The following SPIDR variants were observed in gnomAD, a reference collection of about 807,000 sequenced individuals.
The protein encoded by SPIDR is DNA repair-scaffolding protein.
A neutral mutation model predicts 104.6 loss-of-function variants in SPIDR; 93 were observed. The ratio of observed to expected loss-of-function variants is 0.89; its 90% CI spans 0.75 to 1.06. The LOEUF is 1.06. Among genes scored for constraint, SPIDR ranks in the 50% least tolerant of loss-of-function variants. SPIDR has a pLI of 0.00. For missense variants in SPIDR, 1,154 were observed against 1,111.2 expected (o/e 1.04, Z -0.55); for synonymous variants, 431 against 416.9 (o/e 1.03, Z -0.41).
chr8:47,270,806 C>CT (rs1563445719), intron 1 of SPIDR, among the ~76,000 whole-genome samples: 1 of 151,854 alleles, frequency 6.6e-6, no homozygotes, highest in South Asian at 2.1e-4. Flanking sequence ...CTCATGATTT[C>CT]TTTTTTTGAT....
chr8:47,289,938 T>C, intron 3 of SPIDR, among the ~76,000 whole-genome samples: 1 of 151,992 alleles, frequency 6.6e-6, no homozygotes, highest in East Asian at 1.9e-4. Context: ...AAAAAGAAAA[T>C]AAATGTTGAT....
chr8:47,721,121 T>A (rs984070561), intron 16 of SPIDR, among the ~76,000 whole-genome samples: 3 of 152,226 alleles, frequency 2.0e-5, no homozygotes, highest in East Asian at 1.9e-4. Context: ...AAGTCTCACA[T>A]CAGTTGTTTC....
chr8:47,528,490 A>C (rs2085381981), intron 8 of SPIDR, among the ~76,000 whole-genome samples: 1 of 152,230 alleles, frequency 6.6e-6, no homozygotes, highest in Non-Finnish European at 1.5e-5. Flanking sequence ...CAGAGGTGTT[A>C]GAATTAATCA....
intron 5 of SPIDR, among the ~76,000 whole-genome samples, chr8:47,391,813 G>A (rs1304157135): frequency 6.6e-6 from 1 of 151,868 alleles, no homozygotes. Context: ...TGGCTAACAT[G>A]GTGAAACCCC....
chr8:47,420,711 G>T (rs1385532565), intron 7 of SPIDR, among the ~76,000 whole-genome samples: 2 of 152,100 alleles, frequency 1.3e-5, no homozygotes, highest in Admixed American at 1.3e-4. Context: ...TCTTAGCCTC[G>T]ATGGTCTTTA....
intron 7 of SPIDR, among the ~76,000 whole-genome samples, chr8:47,414,029 A>G (rs1554673616): frequency 6.6e-6 from 1 of 152,220 alleles, no homozygotes; most frequent in Non-Finnish European, 1.5e-5. Context: ...AAATCTTACA[A>G]AATGTAGGTC....
chr8:47,549,699 C>T (rs2154396542), intron 8 of SPIDR, among the ~76,000 whole-genome samples: 1 of 152,274 alleles, frequency 6.6e-6, no homozygotes, highest in Non-Finnish European at 1.5e-5. Flanking sequence ...CAAAAATGTT[C>T]TCCTATTCTG....
Position 47,421,421 on chromosome 8 carries a change from G to T in SPIDR, c.877+13460G>T, listed in dbSNP as rs895845145. 3.3e-5 allele frequency among the ~76,000 whole-genome samples: 5 copies of T among 152,238 alleles called. No homozygotes were observed. The East Asian group carries it at 7.7e-4, about 23-fold the overall frequency. On this transcript the variant is annotated intron_variant, in intron 7 of 19. Coordinates refer to ENST00000297423, the MANE Select transcript of SPIDR (RefSeq NM_001080394.4). Reference sequence around the variant, plus strand: ...TTGAATTGGCCACTGAGGCTTGTGGGTTCGTCCTGTCGTTCTCTTGTTGTG... The same window carrying T: ...TTGAATTGGCCACTGAGGCTTGTGGTTTCGTCCTGTCGTTCTCTTGTTGTG...
intron 11 of SPIDR, among the ~76,000 whole-genome samples, chr8:47,687,357 T>G (rs1313190753): frequency 2.6e-5 from 4 of 152,260 alleles, no homozygotes; most frequent in Non-Finnish European, 4.4e-5. Flanking sequence ...TCCACGAATG[T>G]AGACATATCT....
Position 47,279,984 on chromosome 8 carries a change from T to G in SPIDR, c.156T>G (p.Cys52Trp). 6.2e-7 allele frequency: 1 copy of G among 1,614,096 alleles called. No homozygotes were observed. Residue 52 changes from cysteine to tryptophan, a missense_variant, in exon 2 of 20, where the codon TGT (cysteine) becomes TGG (tryptophan). Coordinates refer to ENST00000297423, the MANE Select transcript of SPIDR (RefSeq NM_001080394.4). ...CTCTCTCTGAAGCATGGCTCAGGTG[T>G]GGAGAAGGGTTTCAGAACACTTCTG... is the stretch of plus-strand genomic sequence containing the variant. ...AASLSEAWLR[C>W]GEGFQNTSGN...
intron 5 of SPIDR, among the ~76,000 whole-genome samples, chr8:47,303,109 T>C (rs1464771713): frequency 6.6e-6 from 1 of 152,214 alleles, no homozygotes; most frequent in Non-Finnish European, 1.5e-5. Flanking sequence ...CCAGCTTCCC[T>C]GTGGCTTTGT....
chr8:47,626,207 A>G (rs986717687), intron 10 of SPIDR, among the ~76,000 whole-genome samples: 2 of 152,090 alleles, frequency 1.3e-5, no homozygotes, highest in South Asian at 4.1e-4. Context: ...GAAACTGGAT[A>G]CCTTCCTTAC....
intron 5 of SPIDR, among the ~76,000 whole-genome samples, chr8:47,310,792 C>T (rs1038341691): frequency 2.6e-5 from 4 of 152,034 alleles, no homozygotes; most frequent in Non-Finnish European, 5.9e-5. Context: ...ATTTCATTTG[C>T]ACAAGAAAGA....
In SPIDR at chr8:47,564,324, G is replaced by A. The variant is rs561809047; in HGVS notation, c.1098-31487G>A. Among the ~76,000 whole-genome samples the A allele has an allele frequency of 2.4e-3, 367 of 151,834 alleles. 1 individual carries two copies. The highest frequency in any genetic ancestry group is 6.6e-3 in the Admixed American group (101 of 15,280). ...GATCTCTTGACTTTGTGATCTGCCC[G>A]GCTCAGCCTCCCAAAGTGCTGGGAT... On this transcript the variant is annotated intron_variant, in intron 8 of 19. Transcript: ENST00000297423.
At chr8:47,294,180 T>C (rs2040427711) in intron 5 of SPIDR, 150 bp downstream of exon 5, 1 of 957,894 alleles carries the variant, frequency 1.0e-6, no homozygotes, top group South Asian at 1.9e-5. Context: ...TACTCACTTA[T>C]CTCTAAATAA....
chr8:47,430,487 A>C (rs1021166512), intron 7 of SPIDR, among the ~76,000 whole-genome samples: 3 of 133,974 alleles, frequency 2.2e-5, no homozygotes, highest in African/African-American at 7.3e-5. Context: ...ATAAAGTGAC[A>C]GTGGGGACGC....
intron 5 of SPIDR, among the ~76,000 whole-genome samples, chr8:47,311,739 T>C (rs2044203570): frequency 6.6e-6 from 1 of 152,086 alleles, no homozygotes; most frequent in South Asian, 2.1e-4. Flanking sequence ...ATTATTATAC[T>C]TTAAGTTTTA....
chr8:47,649,373 G>A (rs1200723156), intron 10 of SPIDR, among the ~76,000 whole-genome samples: 1 of 152,076 alleles, frequency 6.6e-6, no homozygotes, highest in African/African-American at 2.4e-5. Context: ...CCAAAATGAG[G>A]GTTCATGCTG....
chr8:47,270,750 T>G (rs957896344), intron 1 of SPIDR, among the ~76,000 whole-genome samples: 5 of 152,192 alleles, frequency 3.3e-5, no homozygotes, highest in Non-Finnish European at 7.3e-5. Context: ...TCTATAGGTT[T>G]TAGTGTATAT....
Sources: gnomAD v4.1 joint callset for allele counts (sites outside exome capture counted in the v4.1 genomes callset) on GRCh38, gnomAD v4.1.1 for gene constraint, MANE v1.5 for transcripts, NCBI Gene and HGNC (gene_info 2026-07-23, HGNC 2026-07-21) for gene names.